The following DPH7 variants were observed in gnomAD, a reference collection of about 807,000 sequenced individuals.
The protein encoded by DPH7 is diphthamide biosynthesis 7.
A neutral mutation model predicts 41.7 loss-of-function variants in DPH7; 44 were observed. The ratio of observed to expected loss-of-function variants is 1.05; its 90% CI spans 0.83 to 1.36. The LOEUF (loss-of-function observed/expected upper bound fraction) is 1.36. Ranked by LOEUF, DPH7 falls within the 40% of genes most tolerant of loss-of-function variation. The probability of loss-of-function intolerance (pLI) is 0.00; values close to 1 mark genes in which losing one functional copy is unlikely to be tolerated. For synonymous variants in DPH7, 275 were observed against 238.0 expected (o/e 1.16, Z -1.43); for missense variants, 629 against 577.5 (o/e 1.09, Z -0.91).
chr9:137,559,847 C>A lies in DPH7; in HGVS notation c.950-4199G>T, dbSNP rs570412571. ...GCAGCCAAACATTCGGGGCCACTAC[C>A]GGTCTCTGCACATTGGTGGTAGTGG... On this transcript the variant is annotated intron_variant, in intron 8 of 8. Coordinates refer to ENST00000277540, the MANE Select transcript of DPH7 (RefSeq NM_138778.5). Among the ~76,000 whole-genome samples the A allele has an allele frequency of 2.0e-5, 3 of 152,302 alleles. No homozygotes were observed. In the East Asian group the frequency reaches 5.8e-4, roughly 29 times the overall value.
At chr9:137,576,936 T>G (rs925729130) in intron 2 of DPH7, among the ~76,000 whole-genome samples, 1 of 150,606 alleles carries the variant, frequency 6.6e-6, no homozygotes, top group African/African-American at 2.4e-5. Flanking sequence ...AAGTCTGAAG[T>G]CTCAGCTACT....
In DPH7 at chr9:137,564,973, G is replaced by A. The variant is rs202157040; in HGVS notation, c.711-15C>T. 7.5e-6 allele frequency: 12 copies of A among 1,595,874 alleles called. No homozygotes were observed. Among genetic ancestry groups the A allele is most frequent in the Middle Eastern group, 1.7e-4 (1 of 6,054 alleles). Reference sequence around the variant, plus strand: ...CCATGGTGTGTCTGCAAGCAGAGGCGGCTTCTGAACCAGTGTCCAGCACAC... The same window carrying A: ...CCATGGTGTGTCTGCAAGCAGAGGCAGCTTCTGAACCAGTGTCCAGCACAC... On this transcript the variant is annotated splice_polypyrimidine_tract_variant and intron_variant, in intron 6 of 8. Coordinates refer to ENST00000277540, the MANE Select transcript of DPH7 (RefSeq NM_138778.5).
intron 2 of DPH7, among the ~76,000 whole-genome samples, chr9:137,576,750 T>C (rs1441487003): frequency 6.6e-6 from 1 of 151,414 alleles, no homozygotes. Flanking sequence ...ATAAGCCGGG[T>C]GTGGTGGCGG....
intron 5 of DPH7, among the ~76,000 whole-genome samples, chr9:137,573,682 CAAAAAAAAAAAAAA>C (rs61028786): frequency 2.3e-4 from 6 of 25,914 alleles, no homozygotes; most frequent in South Asian, 2.9e-3. Flanking sequence ...GACTCTGTCT[CAAAAAAAAAAAAAA>C]AAAAAAAAAA....
At chr9:137,562,236 G>A (rs866554157) in intron 8 of DPH7, among the ~76,000 whole-genome samples, 10 of 151,898 alleles carry the variant, frequency 6.6e-5, no homozygotes, top group African/African-American at 1.9e-4. Context: ...TTATAAAGCC[G>A]AGACCTCACA....
intron 3 of DPH7, chr9:137,575,386 G>A: frequency 3.0e-6 from 3 of 988,306 alleles, no homozygotes; most frequent in Non-Finnish European, 3.6e-6. Flanking sequence ...CCAGCAGGCT[G>A]CTGTACCAAA....
intron 8 of DPH7, among the ~76,000 whole-genome samples, chr9:137,561,634 G>A (rs1399642318): frequency 3.3e-5 from 5 of 149,916 alleles, no homozygotes; most frequent in Admixed American, 6.7e-5. Flanking sequence ...GATGCATCAC[G>A]CCACACTGAA....
At chr9:137,570,833 C>T (rs116818062) in intron 5 of DPH7, among the ~76,000 whole-genome samples, 2,586 of 152,320 alleles carry the variant, frequency 0.017, 70 homozygotes, top group South Asian at 0.11. Context: ...TAATCTGCAC[C>T]TGCTCCCAGC....
At chr9:137,564,712 T>C in intron 7 of DPH7, 106 bp from the exon 8 acceptor site, 1 of 1,495,834 alleles carries the variant, frequency 6.7e-7, no homozygotes, top group East Asian at 2.3e-5. Flanking sequence ...GTCCCATGCA[T>C]CCCTCGAGGA....
At chr9:137,559,534 G>A (rs910081978) in intron 8 of DPH7, among the ~76,000 whole-genome samples, 3 of 152,210 alleles carry the variant, frequency 2.0e-5, no homozygotes, top group Admixed American at 2.0e-4. Flanking sequence ...GTGATGCTGT[G>A]CTTCAGTGGT....
chr9:137,564,509 G>C lies in DPH7; in HGVS notation c.874C>G (p.Pro292Ala), dbSNP rs547590137. 1 of 1,614,134 alleles carries C rather than the reference G, an allele frequency of 6.2e-7. No individual in the cohort carries two copies. The highest frequency in any genetic ancestry group is 1.3e-5 in the African/African-American group (1 of 75,048). Residue 292 changes from proline to alanine, a missense_variant, in exon 8 of 9, where the codon CCT becomes GCT. Pro to Ala is a conservative substitution (Grantham distance 27, BLOSUM62 -1). Coordinates refer to ENST00000277540, the MANE Select transcript of DPH7 (RefSeq NM_138778.5). ...GCCAGGAGCAGGTGGTGGTGGAAAG[G>C]GTGCCACTTGATTCTCCATACCCCA... ...QGGVWRIKWH[P>A]FHHHLLLAAC... is the part of the protein sequence containing the mutation.
rs955030685 is a variant in DPH7, at chr9:137,575,017, C to G, written c.376-174G>C. On this transcript the variant is annotated intron_variant, in intron 3 of 8. Coordinates refer to ENST00000277540, the MANE Select transcript of DPH7 (RefSeq NM_138778.5). Reference sequence around the variant, plus strand: ...ACACTGAAACCCCTGCTAGGGGCCCCGAGAAGACCTGGGGACACTGGAGCT... The same window carrying G: ...ACACTGAAACCCCTGCTAGGGGCCCGGAGAAGACCTGGGGACACTGGAGCT... 3.5e-6 allele frequency: 5 copies of G among 1,410,808 alleles called. No individual in the cohort carries two copies. In the African/African-American group the frequency reaches 7.3e-5, roughly 21 times the overall value. 87.4% of individuals were successfully genotyped at this position (1,410,808 alleles called of 1,614,324 possible). A position where few individuals can be genotyped will look rare whatever the true frequency, so the allele number is the denominator to read the frequency against.
chr9:137,558,010 C>G (rs1837821825), intron 8 of DPH7, among the ~76,000 whole-genome samples: 1 of 152,158 alleles, frequency 6.6e-6, no homozygotes, highest in African/African-American at 2.4e-5. Context: ...GTGGCACACA[C>G]CTGTAATCCC....
At position 137,564,536 on chromosome 9, in the gene DPH7, C is replaced by A. The variant is rs775059220; in HGVS notation, c.847G>T (p.Gly283Cys). ...KQPLADTPVQ[G>C]GVWRIKWHPF... Reference sequence around the variant, plus strand: ...TGCCACTTGATTCTCCATACCCCACCCTGCACAGGCGTATCTGCCAACGGC... The same window carrying A: ...TGCCACTTGATTCTCCATACCCCACACTGCACAGGCGTATCTGCCAACGGC... The change falls in exon 8 of 9, where the codon GGT becomes TGT. Residue 283 changes from glycine (G) to cysteine (C), a missense_variant. By Grantham distance (159) the Gly-to-Cys change is radical. Coordinates refer to ENST00000277540, the MANE Select transcript of DPH7 (RefSeq NM_138778.5). The A allele has an allele frequency of 1.2e-6, 2 of 1,614,134 alleles. No individual in the cohort carries two copies. The highest frequency in any genetic ancestry group is 1.7e-6 in the Non-Finnish European group (2 of 1,180,004).
Position 137,555,494 on chromosome 9 carries a change from C to T in DPH7, c.1104G>A (p.Lys368=), listed in dbSNP as rs769355326. The T allele has an allele frequency of 3.7e-6, 6 of 1,614,022 alleles. No individual in the cohort carries two copies. The Admixed American group carries it at 8.3e-5, about 22-fold the overall frequency. The change falls in exon 9 of 9, where the codon AAG becomes AAA. Residue 368 remains lysine, a synonymous_variant. Coordinates refer to ENST00000277540, the MANE Select transcript of DPH7 (RefSeq NM_138778.5). The part of the protein sequence containing the change: ...SNLGTKTADL[K]GASELPTPCH... The stretch of plus-strand genomic sequence containing the variant: ...AGGGTGTTGGCAACTCGCTTGCACC[C>T]TTCAGGTCTGCCGTCTTGGTTCCTA...
intron 1 of DPH7, among the ~76,000 whole-genome samples, 187 bp from the exon 2 acceptor site, chr9:137,577,790 C>T (rs1021436898): frequency 4.6e-5 from 7 of 152,184 alleles, no homozygotes; most frequent in African/African-American, 1.7e-4. Flanking sequence ...CACTCCTGGA[C>T]CCAGTAGAGA....
rs367675143 is a variant in DPH7, at chr9:137,555,464, A to G, written c.1134T>C (p.His378=). Residue 378 remains histidine, a synonymous_variant, in exon 9 of 9, where the codon CAT becomes CAC. Transcript: ENST00000277540. The stretch of plus-strand genomic sequence containing the variant: ...CCCCATCGTTATCCTCTCTGCATTC[A>G]TGACAGGGTGTTGGCAACTCGCTTG... The part of the protein sequence containing the change: ...KGASELPTPC[H]ECREDNDGEG... 67 of 1,613,914 alleles carry G rather than the reference A, an allele frequency of 4.2e-5. 1 individual carries two copies. Among genetic ancestry groups the G allele is most frequent in the Admixed American group, 1.0e-4 (6 of 59,984 alleles).
At chr9:137,578,402 G>A (rs1841817075) in intron 1 of DPH7, 2 of 445,780 alleles carry the variant, frequency 4.5e-6, no homozygotes, top group Non-Finnish European at 7.8e-6. Flanking sequence ...TCCTGACCTC[G>A]TGATCCGTCC....
chr9:137,559,611 C>T (rs1041740767), intron 8 of DPH7, among the ~76,000 whole-genome samples: 2 of 152,218 alleles, frequency 1.3e-5, no homozygotes, highest in African/African-American at 4.8e-5. Flanking sequence ...TAGCAGTAGT[C>T]AATTAGTGAA....
Sources: allele counts gnomAD v4.1 joint callset (sites outside exome capture counted in the v4.1 genomes callset), GRCh38; gene constraint gnomAD v4.1.1; transcripts MANE v1.5; gene names NCBI Gene and HGNC (gene_info 2026-07-23, HGNC 2026-07-21).